The following IQCM variants were observed in gnomAD, a reference collection of about 807,000 sequenced individuals.
IQCM encodes the protein IQ domain-containing protein M.
A neutral mutation model predicts 57.6 loss-of-function variants in IQCM; 45 were observed. That is an observed-to-expected ratio of 0.78 (90% CI 0.62 to 1.00). The LOEUF is 1.00. Ranked by LOEUF, IQCM falls within the 50% of genes least tolerant of loss-of-function variation. The pLI is 0.00. For missense variants in IQCM, 468 were observed against 511.6 expected (o/e 0.91, Z 0.82); for synonymous variants, 148 against 158.9 (o/e 0.93, Z 0.51).
intron 13 of IQCM, among the ~76,000 whole-genome samples, chr4:149,421,887 TATA>T (rs1010885096): frequency 2.6e-5 from 4 of 152,066 alleles, no homozygotes; most frequent in African/African-American, 9.7e-5. Flanking sequence ...GCTAATTTAT[TATA>T]ATATTATATA....
chr4:149,674,680 G>T (rs990357815), intron 7 of IQCM, among the ~76,000 whole-genome samples: 2 of 152,098 alleles, frequency 1.3e-5, no homozygotes, highest in Admixed American at 1.3e-4. Flanking sequence ...TCCTGAGTTT[G>T]ACATGTTAGG....
rs182225781 is a variant in IQCM at position 149,783,291 on chromosome 4, C to T, written c.-49+32020G>A. Reference sequence around the variant, plus strand: ...AATTTTCTTAGGCTAAAAACTTGCACATAATTCTTGAATCTTCTATGTTGC... The same window carrying T: ...AATTTTCTTAGGCTAAAAACTTGCATATAATTCTTGAATCTTCTATGTTGC... On this transcript the variant is annotated intron_variant, in intron 2 of 13. Coordinates refer to ENST00000636793, the MANE Select transcript of IQCM (RefSeq NM_001363507.2). 1.9e-3 allele frequency among the ~76,000 whole-genome samples: 295 copies of T among 152,320 alleles called. 2 individuals carry two copies. The highest frequency in any genetic ancestry group is 6.8e-3 in the African/African-American group (282 of 41,566).
chr4:149,809,931 TCA>T (rs1315400424), intron 2 of IQCM, among the ~76,000 whole-genome samples: 2 of 152,132 alleles, frequency 1.3e-5, no homozygotes, highest in African/African-American at 4.8e-5. Context: ...ACAAGTACTC[TCA>T]GTTATCTCTT....
intron 12 of IQCM, among the ~76,000 whole-genome samples, chr4:149,481,714 T>TTTTTTGTTTTTTGTTTTTTG (rs1560896128): frequency 1.8e-4 from 7 of 39,048 alleles, no homozygotes; most frequent in Non-Finnish European, 3.4e-4. Flanking sequence ...TTTTTTTTTT[T>TTTTTTGTTTTTTGTTTTTTG]TTTTTTTTGC....
intron 13 of IQCM, among the ~76,000 whole-genome samples, chr4:149,384,561 G>T (rs1468786283): frequency 6.6e-6 from 1 of 152,004 alleles, no homozygotes; most frequent in Non-Finnish European, 1.5e-5. Flanking sequence ...GTTTTTAGAA[G>T]GCTAAACCTC....
intron 8 of IQCM, among the ~76,000 whole-genome samples, chr4:149,605,941 C>A (rs1000767782): frequency 6.6e-6 from 1 of 152,146 alleles, no homozygotes; most frequent in African/African-American, 2.4e-5. Flanking sequence ...TCCTTGAAAC[C>A]CCTGATTCCA....
At chr4:149,616,056 T>G (rs1357754053) in intron 8 of IQCM, among the ~76,000 whole-genome samples, 3 of 152,028 alleles carry the variant, frequency 2.0e-5, no homozygotes, top group African/African-American at 7.2e-5. Flanking sequence ...CCTCAAAAAA[T>G]TAAACAGAGA....
intron 5 of IQCM, among the ~76,000 whole-genome samples, chr4:149,702,036 TATAA>T (rs564328640): frequency 1.4e-4 from 21 of 152,052 alleles, no homozygotes; most frequent in Middle Eastern, 3.4e-3. Context: ...TCTAATCCAG[TATAA>T]ATATTGAGTG....
At chr4:149,772,678 T>A (rs1274952525) in intron 2 of IQCM, among the ~76,000 whole-genome samples, 4 of 152,200 alleles carry the variant, frequency 2.6e-5, no homozygotes, top group Admixed American at 2.6e-4. Context: ...TCTTTGAAAA[T>A]AACATGTTAA....
chr4:149,374,932 A>AT (rs1228625051), intron 13 of IQCM, among the ~76,000 whole-genome samples: 1 of 151,674 alleles, frequency 6.6e-6, no homozygotes, highest in Non-Finnish European at 1.5e-5. Flanking sequence ...AGAGGACAAG[A>AT]TTATGCCAAG....
In IQCM at chr4:149,438,051, C is replaced by T. The variant is rs550117779; in HGVS notation, c.1229-4494G>A. ...CTAAGTGTACCAGGGAGACTTGTGG[C>T]TAACAAAGCTCTACTAGTGACCTTG... On this transcript the variant is annotated intron_variant, in intron 12 of 13. Transcript: ENST00000636793. 1.2e-4 allele frequency among the ~76,000 whole-genome samples: 19 copies of T among 152,110 alleles called. No individual in the cohort carries two copies. The South Asian group carries it at 3.7e-3, about 30-fold the overall frequency.
At chr4:149,381,225 T>A (rs1211476431) in intron 13 of IQCM, among the ~76,000 whole-genome samples, 1 of 152,130 alleles carries the variant, frequency 6.6e-6, no homozygotes, top group Admixed American at 6.6e-5. Context: ...TGTCACCACC[T>A]CTTTCTAAGC....
intron 2 of IQCM, among the ~76,000 whole-genome samples, chr4:149,813,621 C>A (rs1774792251): frequency 6.6e-6 from 1 of 152,014 alleles, no homozygotes; most frequent in Non-Finnish European, 1.5e-5. Context: ...TGGATAAAAG[C>A]TATCTGAGAA....
At chr4:149,433,212 G>A (rs955422552) in intron 13 of IQCM, among the ~76,000 whole-genome samples, 184 bp downstream of exon 13, 2 of 151,916 alleles carry the variant, frequency 1.3e-5, no homozygotes, top group African/African-American at 4.8e-5. Context: ...CTATTCTAGC[G>A]GAGGCACCAA....
At chr4:149,807,857 GATGCA>G (rs1417959030) in intron 2 of IQCM, among the ~76,000 whole-genome samples, 2,115 of 152,028 alleles carry the variant, frequency 0.014, 55 homozygotes, top group African/African-American at 0.048. Context: ...TCACCAGGAA[GATGCA>G]TGTCAAAACC....
chr4:149,352,365 C>A (rs1728639784), intron 13 of IQCM, among the ~76,000 whole-genome samples: 1 of 152,082 alleles, frequency 6.6e-6, no homozygotes, highest in Non-Finnish European at 1.5e-5. Flanking sequence ...GTAATGGATT[C>A]AAGGAACTGC....
At chr4:149,636,599 G>GCCC (rs1561088330) in intron 7 of IQCM, among the ~76,000 whole-genome samples, 1 of 151,980 alleles carries the variant, frequency 6.6e-6, no homozygotes, top group Non-Finnish European at 1.5e-5. Context: ...TACACTGATA[G>GCCC]CAGGCAATTA....
chr4:149,522,938 G>A (rs1745801687), intron 12 of IQCM, among the ~76,000 whole-genome samples: 2 of 152,240 alleles, frequency 1.3e-5, no homozygotes, highest in East Asian at 1.9e-4. Context: ...TGAAAACTAT[G>A]ATATCTTAGT....
chr4:149,583,686 A>T (rs1752410310), intron 9 of IQCM, among the ~76,000 whole-genome samples: 1 of 151,570 alleles, frequency 6.6e-6, no homozygotes. Context: ...ATTCAAGTGG[A>T]CCTCAAGGAA....
Sources: allele counts gnomAD v4.1 joint callset (sites outside exome capture counted in the v4.1 genomes callset), GRCh38; gene constraint gnomAD v4.1.1; transcripts MANE v1.5; gene names NCBI Gene and HGNC (gene_info 2026-07-23, HGNC 2026-07-21).